The following KCNJ4 variants were observed in gnomAD, a reference collection of about 807,000 sequenced individuals.
KCNJ4 encodes inward rectifier potassium channel 4.
KCNJ4 carries 3 observed loss-of-function variants against 25.6 expected under a neutral mutation model. The ratio of observed to expected loss-of-function variants is 0.12; its 90% confidence interval spans 0.05 to 0.30. The LOEUF (loss-of-function observed/expected upper bound fraction) is 0.30, where lower values mean the gene tolerates loss of function less well. KCNJ4 is among the 10% of genes least tolerant of loss of function. The pLI is 1.00. For synonymous variants in KCNJ4, 257 were observed against 283.9 expected, an observed-to-expected ratio of 0.91 and a Z score of 0.95; for missense variants, 286 against 666.8, an observed-to-expected ratio of 0.43 and a Z score of 6.29.
intron 1 of KCNJ4, among the ~76,000 whole-genome samples, chr22:38,454,015 T>C (rs1286739192): frequency 6.6e-6 from 1 of 152,168 alleles, no homozygotes; most frequent in African/African-American, 2.4e-5. Context: ...AAAGTCCTGC[T>C]AACTGCCCCC....
rs1428381830 is a variant in KCNJ4, at chr22:38,443,168, T to A, written c.-40+11812A>T. ...GATGGAGGCTCTGGACTGGCCCTCGTTTTCCTCCTTGAGTCCTCCAGGCCT... is the reference window on the plus strand; with the variant it reads ...GATGGAGGCTCTGGACTGGCCCTCGATTTCCTCCTTGAGTCCTCCAGGCCT... On this transcript the variant is annotated intron_variant, in intron 1 of 1. Transcript: ENST00000303592. This position sits in a 1 kb window ranked among gnomAD's most constrained non-coding sequence, Gnocchi z 4.1. Among the ~76,000 whole-genome samples, 1 of 152,072 alleles carries A rather than the reference T, an allele frequency of 6.6e-6. No individual in the cohort carries two copies. The highest frequency in any genetic ancestry group is 1.5e-5 in the Non-Finnish European group (1 of 68,008).
At chr22:38,448,554 G>C (rs565439993) in intron 1 of KCNJ4, among the ~76,000 whole-genome samples, 35 of 152,266 alleles carry the variant, frequency 2.3e-4, no homozygotes, top group African/African-American at 8.2e-4. Context: ...ATTTTCTGGG[G>C]AGAAGGAGCT....
chr22:38,441,193 C>A (rs533870225), intron 1 of KCNJ4, among the ~76,000 whole-genome samples: 1 of 152,292 alleles, frequency 6.6e-6, no homozygotes, highest in Admixed American at 6.5e-5. Context: ...CCGGTAGGCC[C>A]TGCCCAGCCT....
intron 1 of KCNJ4, among the ~76,000 whole-genome samples, chr22:38,433,824 G>A (rs1421350220): frequency 6.6e-6 from 1 of 152,212 alleles, no homozygotes; most frequent in Non-Finnish European, 1.5e-5. Context: ...GGGAGGGGCT[G>A]GAGACTCTGC....
rs186727812 is a variant in KCNJ4, at chr22:38,441,874, A to C, written c.-40+13106T>G. 1.8e-4 allele frequency among the ~76,000 whole-genome samples: 27 copies of C among 152,370 alleles called. No homozygotes were observed. In the East Asian group the frequency reaches 5.0e-3, roughly 28 times the overall value. ...TCCACGAATGGCACAGCACACAGAC[A>C]GAAAAAGCCAGGAGAGAGCTCTGTG... On this transcript the variant is annotated intron_variant, in intron 1 of 1. Transcript: ENST00000303592.
intron 1 of KCNJ4, among the ~76,000 whole-genome samples, chr22:38,453,710 A>C (rs1437996472): frequency 6.6e-6 from 1 of 152,138 alleles, no homozygotes; most frequent in Non-Finnish European, 1.5e-5. Flanking sequence ...TGACCAGCCC[A>C]GGGGGCTGCT....
chr22:38,448,895 T>C lies in KCNJ4; in HGVS notation c.-40+6085A>G, dbSNP rs543922776. On this transcript the variant is annotated intron_variant, in intron 1 of 1. Coordinates refer to ENST00000303592, the MANE Select transcript of KCNJ4 (RefSeq NM_152868.3). ...CCAACTGCACCTCCCATGCCCCAGC[T>C]CCCCTCTGCCCTGCTGGGGGCCCCC... Among the ~76,000 whole-genome samples, 3 of 152,112 alleles carry C rather than the reference T, an allele frequency of 2.0e-5. No individual in the cohort carries two copies. In the East Asian group the frequency reaches 5.8e-4, roughly 29 times the overall value.
At chr22:38,432,280 T>TAAATAAATAAATAAATAAATAAATAAATA (rs1555917613) in intron 1 of KCNJ4, among the ~76,000 whole-genome samples, 16 of 147,176 alleles carry the variant, frequency 1.1e-4, no homozygotes, top group African/African-American at 4.2e-4. Context: ...AATAAATAAA[T>TAAATAAATAAATAAATAAATAAATAAATA]AAATAAAATA....
At position 38,427,363 on chromosome 22, in the gene KCNJ4, G is replaced by A. The variant is rs368389951; in HGVS notation, c.770C>T (p.Ser257Leu). ...GATCTCGTGGACAATGATGATGGGC[G>A]ACACCAGGAAGATGCGGTCCAGGCC... Reference protein sequence around the residue: ...DIGLDRIFLVSPIIIVHEIDE... With the variant: ...DIGLDRIFLVLPIIIVHEIDE... The change falls in exon 2 of 2, where the codon TCG becomes TTG. Residue 257 changes from serine to leucine, a missense_variant. By Grantham distance (145) the Ser-to-Leu change is moderately radical (BLOSUM62 -2). Around this residue, in one of 11 missense-constraint regions of KCNJ4, gnomAD observed 39 missense variants for 100.9 expected, o/e 0.39. Coordinates refer to ENST00000303592, the MANE Select transcript of KCNJ4 (RefSeq NM_152868.3). The A allele has an allele frequency of 6.2e-7, 1 of 1,614,010 alleles. No individual in the cohort carries two copies. The highest frequency in any genetic ancestry group is 8.5e-7 in the Non-Finnish European group (1 of 1,180,006).
chr22:38,437,867 C>T (rs890440470), intron 1 of KCNJ4, among the ~76,000 whole-genome samples: 2 of 152,024 alleles, frequency 1.3e-5, no homozygotes, highest in African/African-American at 4.8e-5. Flanking sequence ...CTTTGGGAGG[C>T]CGAAGTGGGC....
Position 38,426,914 on chromosome 22 carries a change from A to G in KCNJ4, c.1219T>C (p.Ser407Pro). 1.9e-6 allele frequency: 3 copies of G among 1,612,738 alleles called. No individual in the cohort carries two copies. Among genetic ancestry groups the G allele is most frequent in the Non-Finnish European group, 2.5e-6 (3 of 1,179,848 alleles). The stretch of plus-strand genomic sequence containing the variant: ...CGGATGATGCCCGCCTCCTCCTTGG[A>G]ACCCGCCTCCAGGCCCAGGCCTGCG... ...VAAGLGLEAG[S>P]KEEAGIIRML... The change falls in exon 2 of 2, where the codon TCC becomes CCC. Residue 407 changes from serine to proline, a missense_variant. By Grantham distance (74) the Ser-to-Pro change is moderately conservative (BLOSUM62 -1). Transcript: ENST00000303592.
chr22:38,435,260 G>C (rs540278839), intron 1 of KCNJ4, among the ~76,000 whole-genome samples: 1 of 152,350 alleles, frequency 6.6e-6, no homozygotes, highest in South Asian at 2.1e-4. Flanking sequence ...CCTGGGCCTA[G>C]ATGGGGAGGC....
At position 38,426,506 on chromosome 22, in the gene KCNJ4, A is replaced by G; in HGVS notation, c.*289T>C. The G allele has an allele frequency of 3.7e-6, 1 of 267,804 alleles. No homozygotes were observed. The highest frequency in any genetic ancestry group is 9.2e-5 in the South Asian group (1 of 10,920). 16.6% of individuals were successfully genotyped at this position (267,804 alleles called of 1,614,324 possible). On this transcript the variant is annotated 3_prime_UTR_variant, in exon 2 of 2. Coordinates refer to ENST00000303592, the MANE Select transcript of KCNJ4 (RefSeq NM_152868.3). ...CCACCTTCCCCAAGGTTCTGAGAGCAAAGAGGGCACGTCCTTGAAGAGTCA... is the reference window on the plus strand; with the variant it reads ...CCACCTTCCCCAAGGTTCTGAGAGCGAAGAGGGCACGTCCTTGAAGAGTCA...
intron 1 of KCNJ4, among the ~76,000 whole-genome samples, chr22:38,432,284 TA>T (rs148791545): frequency 3.5e-4 from 50 of 142,176 alleles, no homozygotes; most frequent in African/African-American, 1.3e-3. Flanking sequence ...AATAAATAAA[TA>T]AAATAAAATA....
chr22:38,433,449 AAAAT>A (rs1375685892), intron 1 of KCNJ4, among the ~76,000 whole-genome samples: 3 of 152,232 alleles, frequency 2.0e-5, no homozygotes, highest in African/African-American at 7.2e-5. Context: ...TCCGTCTCAA[AAAAT>A]AAATAAATAA....
chr22:38,437,486 C>G (rs1380240218), intron 1 of KCNJ4, among the ~76,000 whole-genome samples: 3 of 152,232 alleles, frequency 2.0e-5, no homozygotes, highest in Admixed American at 6.5e-5. Context: ...CTTCAACACC[C>G]CACTGCCTGG....
chr22:38,451,400 C>T (rs978728447), intron 1 of KCNJ4, among the ~76,000 whole-genome samples: 1 of 152,164 alleles, frequency 6.6e-6, no homozygotes, highest in Non-Finnish European at 1.5e-5. Context: ...CCAGTTAACC[C>T]CAAATCCAAC....
intron 1 of KCNJ4, among the ~76,000 whole-genome samples, chr22:38,444,694 A>G (rs930119143): frequency 2.0e-5 from 3 of 152,206 alleles, no homozygotes; most frequent in Non-Finnish European, 4.4e-5. Context: ...CCATGACTCA[A>G]TGCTGGGCCA....
chr22:38,450,289 A>G (rs1379417813), intron 1 of KCNJ4, among the ~76,000 whole-genome samples: 1 of 151,754 alleles, frequency 6.6e-6, no homozygotes, highest in Admixed American at 6.6e-5. Context: ...CGTTGGGAGG[A>G]GCGCTTTTCG....
Sources: gnomAD v4.1 joint callset for allele counts (sites outside exome capture counted in the v4.1 genomes callset) on GRCh38, gnomAD v4.1.1 for gene constraint, gnomAD v4.1.1 regional missense constraint, Gnocchi (gnomAD v3.1) non-coding constraint, MANE v1.5 for transcripts, NCBI Gene and HGNC (gene_info 2026-07-23, HGNC 2026-07-21) for gene names.